The following FHIT variants were observed in gnomAD, a reference collection of about 807,000 sequenced individuals.
FHIT encodes bis(5'-adenosyl)-triphosphatase.
Under a neutral mutation model 17.9 loss-of-function variants are expected in FHIT, and 19 were observed. The observed-to-expected ratio is 1.06, with a 90% CI of 0.74 to 1.56. FHIT has a LOEUF of 1.56. Among genes scored for constraint, FHIT ranks in the 40% most tolerant of loss-of-function variants. FHIT has a pLI of 0.00. For missense variants in FHIT, 248 were observed against 189.2 expected (o/e 1.31, Z -1.82); for synonymous variants, 81 against 69.7 (o/e 1.16, Z -0.81).
intron 8 of FHIT, among the ~76,000 whole-genome samples, chr3:59,834,201 T>C (rs1213618863): frequency 6.6e-6 from 1 of 152,200 alleles, no homozygotes; most frequent in Non-Finnish European, 1.5e-5. Flanking sequence ...AGTTTGTTCA[T>C]TTACTTTAGG....
At chr3:60,213,467 TG>T (rs1703550630) in intron 5 of FHIT, among the ~76,000 whole-genome samples, 1 of 152,216 alleles carries the variant, frequency 6.6e-6, no homozygotes, top group Non-Finnish European at 1.5e-5. Flanking sequence ...ATTCAGACAT[TG>T]GACAGACCCA....
chr3:61,129,052 G>A (rs2036692172), intron 2 of FHIT, among the ~76,000 whole-genome samples: 1 of 152,194 alleles, frequency 6.6e-6, no homozygotes, highest in South Asian at 2.1e-4. Flanking sequence ...ACAAGCTGAT[G>A]TGCAGCTCCC....
intron 9 of FHIT, chr3:59,749,859 G>A (rs1700791552): frequency 8.9e-6 from 2 of 225,934 alleles, no homozygotes; most frequent in Admixed American, 1.1e-4. Flanking sequence ...TCCAGGTAAT[G>A]ATGACAGTCT....
At chr3:60,487,261 G>C (rs983146356) in intron 5 of FHIT, among the ~76,000 whole-genome samples, 3 of 152,144 alleles carry the variant, frequency 2.0e-5, no homozygotes, top group African/African-American at 7.2e-5. Context: ...TAAGAGCCTC[G>C]TGAAGGAAAG....
At chr3:60,619,268 C>T (rs1055411597) in intron 4 of FHIT, among the ~76,000 whole-genome samples, 2 of 151,954 alleles carry the variant, frequency 1.3e-5, no homozygotes, top group Non-Finnish European at 2.9e-5. Context: ...GCATAAAAAA[C>T]TAAATGTGAA....
chr3:61,054,229 C>A (rs2034133700), intron 2 of FHIT, among the ~76,000 whole-genome samples: 1 of 152,194 alleles, frequency 6.6e-6, no homozygotes, highest in Non-Finnish European at 1.5e-5. Flanking sequence ...ACTGTATTTC[C>A]CATTAGCTCT....
chr3:59,893,085 A>G (rs1470309312), intron 8 of FHIT, among the ~76,000 whole-genome samples: 8 of 152,228 alleles, frequency 5.3e-5, no homozygotes, highest in Admixed American at 5.2e-4. Flanking sequence ...TCAGTGAACA[A>G]TATTATTATC....
Position 60,842,345 on chromosome 3 carries a change from GA to G in FHIT, c.-110-20335del, listed in dbSNP as rs111427134. ...TCTAGACAGTATTGATCTCCCACCA[GA>G]AAAAAAAAAAGAACTCAGAGTGTGA... On this transcript the variant is annotated intron_variant, in intron 3 of 9. Coordinates refer to ENST00000492590, the MANE Select transcript of FHIT (RefSeq NM_002012.4). 8.4e-4 allele frequency among the ~76,000 whole-genome samples: 118 copies of G among 139,908 alleles called. 1 individual carries two copies. Among genetic ancestry groups the G allele is most frequent in the Middle Eastern group, 3.6e-3 (1 of 278 alleles). 91.8% of individuals were successfully genotyped at this position (139,908 alleles called of 152,430 possible).
At chr3:61,015,465 G>A (rs573309878) in intron 3 of FHIT, among the ~76,000 whole-genome samples, 31 of 152,082 alleles carry the variant, frequency 2.0e-4, no homozygotes, top group South Asian at 4.2e-4. Context: ...TTTGGATTAC[G>A]CTTGATCTCT....
At chr3:60,977,309 G>A (rs1278939211) in intron 3 of FHIT, among the ~76,000 whole-genome samples, 1 of 152,156 alleles carries the variant, frequency 6.6e-6, no homozygotes, top group Non-Finnish European at 1.5e-5. Flanking sequence ...TCAGCATTCT[G>A]ACCAAAATGA....
At chr3:59,881,777 A>G (rs1423999998) in intron 8 of FHIT, among the ~76,000 whole-genome samples, 1 of 152,222 alleles carries the variant, frequency 6.6e-6, no homozygotes, top group Non-Finnish European at 1.5e-5. Context: ...TTGCCTGGTT[A>G]TGGTCTAAAG....
chr3:60,250,482 G>A (rs1234993685), intron 5 of FHIT, among the ~76,000 whole-genome samples: 1 of 152,152 alleles, frequency 6.6e-6, no homozygotes, highest in Non-Finnish European at 1.5e-5. Context: ...GAAGTCATGG[G>A]TGACTTGTTA....
intron 5 of FHIT, among the ~76,000 whole-genome samples, chr3:60,137,333 C>T (rs1375989744): frequency 6.6e-6 from 1 of 152,184 alleles, no homozygotes; most frequent in African/African-American, 2.4e-5. Context: ...GGGTGAGAGT[C>T]CCCCAGGAAC....
chr3:61,221,412 C>G (rs2039834532), intron 1 of FHIT, among the ~76,000 whole-genome samples: 1 of 152,202 alleles, frequency 6.6e-6, no homozygotes, highest in Non-Finnish European at 1.5e-5. Context: ...AATATTAAAA[C>G]AATCCATTTA....
chr3:59,818,112 G>A (rs1434401954), intron 8 of FHIT, among the ~76,000 whole-genome samples: 12 of 149,990 alleles, frequency 8.0e-5, no homozygotes, highest in Non-Finnish European at 1.0e-4. Flanking sequence ...ATTCTAAAAA[G>A]AAAAAAAAAG....
chr3:61,158,086 T>G (rs66960328), intron 2 of FHIT, among the ~76,000 whole-genome samples: 27,898 of 152,186 alleles, frequency 0.18, 2,635 homozygotes, highest in South Asian at 0.27. Context: ...CCACATTATT[T>G]TAAAACAAAC....
intron 5 of FHIT, among the ~76,000 whole-genome samples, chr3:60,333,066 T>C (rs1710064458): frequency 6.6e-6 from 1 of 152,182 alleles, no homozygotes; most frequent in Non-Finnish European, 1.5e-5. Flanking sequence ...AAGGCTGCAT[T>C]TCAATAACAA....
At chr3:60,744,240 G>A (rs1182669846) in intron 4 of FHIT, among the ~76,000 whole-genome samples, 1 of 54,388 alleles carries the variant, frequency 1.8e-5, no homozygotes, top group African/African-American at 7.1e-5. Flanking sequence ...CAAATTGGAA[G>A]TAATGTAAAA....
intron 2 of FHIT, among the ~76,000 whole-genome samples, chr3:61,132,506 G>A (rs181574227): frequency 1.3e-5 from 2 of 152,336 alleles, no homozygotes; most frequent in East Asian, 1.9e-4. Context: ...GGAGCTCTAT[G>A]AGAGAAACAT....
Sources: gnomAD v4.1 joint callset for allele counts (sites outside exome capture counted in the v4.1 genomes callset) on GRCh38, gnomAD v4.1.1 for gene constraint, MANE v1.5 for transcripts, NCBI Gene and HGNC (gene_info 2026-07-23, HGNC 2026-07-21) for gene names.